Variants in ZNF226 observed in about 807,000 individuals in gnomAD.
ZNF226 encodes the protein Kruppel-associated box protein.
A neutral mutation model predicts 11.4 loss-of-function variants in ZNF226; 6 were observed. The observed-to-expected ratio is 0.53, with a 90% CI of 0.29 to 1.04. The LOEUF is 1.04. ZNF226 is among the 50% of genes least tolerant of loss of function. ZNF226 has a pLI of 0.08. For missense variants in ZNF226, 1,058 were observed against 956.5 expected (o/e 1.11, Z -1.40); for synonymous variants, 350 against 322.8 (o/e 1.08, Z -0.90).
intron 2 of ZNF226, chr19:44,166,895 C>G (rs2122233650): frequency 6.6e-6 from 1 of 152,286 alleles, no homozygotes; most frequent in African/African-American, 2.4e-5. Context: ...GAGCGAGATG[C>G]ATGTTAAAGT....
In ZNF226 at chr19:44,176,611, A is replaced by G. The variant is rs1970704640; in HGVS notation, c.1349A>G (p.Glu450Gly). The change falls in exon 6 of 6, where the codon GAG (glutamate) becomes GGG (glycine). Residue 450 changes from glutamate (E) to glycine (G), a missense_variant. Physicochemically the swap from Glu to Gly is moderately conservative, Grantham distance 98. Coordinates refer to ENST00000337433, the MANE Select transcript of ZNF226 (RefSeq NM_001032373.2). ...ACAGGAGAAAAACCCTATAAATGTG[A>G]GGAATGTGGTAAAGGCTTTAGTCGG... The part of the protein sequence containing the change: ...VHTGEKPYKC[E>G]ECGKGFSRPS... 6.2e-7 allele frequency: 1 copy of G among 1,614,068 alleles called. No homozygotes were observed. The highest frequency in any genetic ancestry group is 1.3e-5 in the African/African-American group (1 of 75,032).
rs1334699139 is a variant in ZNF226, at chr19:44,176,828, A to C, written c.1566A>C (p.Leu522=). ...FRRNSHYQVH[L]VVHTGEKPYK... is the part of the protein sequence containing the mutation. ...GGAATTCCCATTATCAAGTTCATCT[A>C]GTGGTCCACACAGGAGAGAAACCCT... is the stretch of plus-strand genomic sequence containing the variant. Residue 522 remains leucine (L), a synonymous_variant, in exon 6 of 6, where the codon CTA becomes CTC. Coordinates refer to ENST00000337433, the MANE Select transcript of ZNF226 (RefSeq NM_001032373.2). 6.2e-7 allele frequency: 1 copy of C among 1,613,298 alleles called. No homozygotes were observed. Among genetic ancestry groups the C allele is most frequent in the South Asian group, 1.1e-5 (1 of 91,042 alleles).
intron 2 of ZNF226, among the ~76,000 whole-genome samples, chr19:44,167,546 C>T (rs550302353): frequency 6.6e-6 from 1 of 152,088 alleles, no homozygotes; most frequent in Non-Finnish European, 1.5e-5. Flanking sequence ...TCTCGAACTC[C>T]TGACCTCAGG....
At chr19:44,192,594 A>G in the ZNF226 span, among the ~76,000 whole-genome samples, 7 of 152,346 alleles carry the variant, frequency 4.6e-5, no homozygotes, top group East Asian at 1.9e-4. Context: ...ATCATGTGCA[A>G]TGAGATACAG....
chr19:44,197,998 T>C, the ZNF226 span, among the ~76,000 whole-genome samples: 3 of 152,238 alleles, frequency 2.0e-5, no homozygotes, highest in Non-Finnish European at 2.9e-5. Context: ...ATCATATTGA[T>C]ATTTACATAT....
downstream of ZNF226, among the ~76,000 whole-genome samples, chr19:44,180,923 ATCTTT>A (rs1465793755): frequency 1.2e-4 from 19 of 152,220 alleles, no homozygotes; most frequent in East Asian, 1.2e-3. Flanking sequence ...GGGAGCACCT[ATCTTT>A]TCTTTTCAGT....
At chr19:44,166,629 C>G (rs1327661080) in intron 2 of ZNF226, 1 of 152,048 alleles carries the variant, frequency 6.6e-6, no homozygotes, top group African/African-American at 2.4e-5. Flanking sequence ...TCCCCATGAC[C>G]TTAGGGTATA....
Position 44,176,364 on chromosome 19 carries a change from T to G in ZNF226, c.1102T>G (p.Cys368Gly). The G allele has an allele frequency of 1.2e-6, 2 of 1,614,052 alleles. No homozygotes were observed. Among genetic ancestry groups the G allele is most frequent in the Non-Finnish European group, 1.7e-6 (2 of 1,179,996 alleles). The stretch of plus-strand genomic sequence containing the variant: ...AGAGAAACCTTATAATTGTGAGGAG[T>G]GTGGGAGGGCCTTCAGTCAGGCCTC... ...TAEKPYNCEE[C>G]GRAFSQASHL... Residue 368 changes from cysteine (C) to glycine (G), a missense_variant, in exon 6 of 6, where the codon TGT becomes GGT. Coordinates refer to ENST00000337433, the MANE Select transcript of ZNF226 (RefSeq NM_001032373.2).
intron 3 of ZNF226, among the ~76,000 whole-genome samples, chr19:44,170,373 G>A (rs552628794): frequency 2.6e-5 from 4 of 152,108 alleles, no homozygotes; most frequent in Middle Eastern, 3.2e-3. Context: ...GAGGCAGGGG[G>A]TGGGATCACT....
Position 44,175,881 on chromosome 19 carries a change from G to A in ZNF226, c.619G>A (p.Gly207Ser), listed in dbSNP as rs760679907. ...ATGTAAGAAGGGTGTTGATCCCATC[G>A]GTTGGATTTCACATCATGATGGTCA... ...CQCKKGVDPI[G>S]WISHHDGHRV... The change falls in exon 6 of 6, where the codon GGT (glycine) becomes AGT (serine). Residue 207 changes from glycine (G) to serine (S), a missense_variant. By Grantham distance (56) the Gly-to-Ser change is moderately conservative. Transcript: ENST00000337433. 5.0e-6 allele frequency: 8 copies of A among 1,612,982 alleles called. No individual in the cohort carries two copies. The highest frequency in any genetic ancestry group is 1.7e-4 in the Middle Eastern group (1 of 6,052).
Position 44,176,445 on chromosome 19 carries a change from G to C in ZNF226, c.1183G>C (p.Ala395Pro). ...TGGGGAGAAGCCATTCAAATGTGAT[G>C]CATGTGGTAAGAGCTTCAGTCGGAA... Reference protein sequence around the residue: ...HTGEKPFKCDACGKSFSRNSH... With the variant: ...HTGEKPFKCDPCGKSFSRNSH... The change falls in exon 6 of 6, where the codon GCA becomes CCA. Residue 395 changes from alanine (A) to proline (P), a missense_variant. Coordinates refer to ENST00000337433, the MANE Select transcript of ZNF226 (RefSeq NM_001032373.2). The C allele has an allele frequency of 6.2e-7, 1 of 1,614,094 alleles. No homozygotes were observed. The highest frequency in any genetic ancestry group is 8.5e-7 in the Non-Finnish European group (1 of 1,180,000).
At chr19:44,184,869 A>G in the ZNF226 span, among the ~76,000 whole-genome samples, 7 of 152,230 alleles carry the variant, frequency 4.6e-5, no homozygotes, top group Admixed American at 2.0e-4. Context: ...CAACAGATCT[A>G]TAGAACTTTT....
the ZNF226 span, among the ~76,000 whole-genome samples, chr19:44,194,830 C>T: frequency 2.0e-3 from 305 of 152,182 alleles, no homozygotes; most frequent in African/African-American, 6.6e-3. Flanking sequence ...AAATTTTAGT[C>T]ATGATACATT....
rs1480107544 is a variant in ZNF226 at position 44,177,258 on chromosome 19, A to G, written c.1996A>G (p.Thr666Ala). Reference protein sequence around the residue: ...AHLQAHQKVHTGDKPYKCDEC... With the variant: ...AHLQAHQKVHAGDKPYKCDEC... ...TCTTCAAGCCCATCAAAAAGTCCAC[A>G]CTGGAGATAAGCCATACAAATGTGA... Residue 666 changes from threonine to alanine, a missense_variant, in exon 6 of 6, where the codon ACT (threonine) becomes GCT (alanine). Transcript: ENST00000337433. The G allele has an allele frequency of 3.1e-6, 5 of 1,614,102 alleles. No individual in the cohort carries two copies. The highest frequency in any genetic ancestry group is 2.2e-5 in the South Asian group (2 of 91,080).
intron 5 of ZNF226, 115 bp downstream of exon 5, chr19:44,173,067 C>A: frequency 1.0e-6 from 1 of 956,696 alleles, no homozygotes; most frequent in Non-Finnish European, 1.6e-6. Context: ...TGGATTATTG[C>A]AACACCCTTT....
the ZNF226 span, among the ~76,000 whole-genome samples, chr19:44,184,133 C>T: frequency 6.6e-6 from 1 of 152,168 alleles, no homozygotes; most frequent in Non-Finnish European, 1.5e-5. Flanking sequence ...ATATTTACTG[C>T]CCGGCTCTTT....
rs756940221 is a variant in ZNF226, at chr19:44,175,995, A to AT, written c.735dup (p.His246SerfsTer10). 34 of 1,613,958 alleles carry AT rather than the reference A, an allele frequency of 2.1e-5. No individual in the cohort carries two copies. In the East Asian group the frequency reaches 7.6e-4, roughly 36 times the overall value. On this transcript the variant is annotated frameshift_variant, in exon 6 of 6. Transcript: ENST00000337433. LOFTEE classifies it low-confidence loss of function (END_TRUNC). Reference sequence around the variant, plus strand: ...TTTGACATTTGATCACAATAGCATGATTCACACAGGACAGAAATCGTACCA... The same window carrying AT: ...TTTGACATTTGATCACAATAGCATGATTTCACACAGGACAGAAATCGTACCA...
At position 44,176,608 on chromosome 19, in the gene ZNF226, G is replaced by T. The variant is rs1258403760; in HGVS notation, c.1346G>T (p.Cys449Phe). The change falls in exon 6 of 6, where the codon TGT (cysteine) becomes TTT (phenylalanine). Residue 449 changes from cysteine (C) to phenylalanine (F), a missense_variant. By Grantham distance (205) the Cys-to-Phe change is radical. Transcript: ENST00000337433. Reference protein sequence around the residue: ...RVHTGEKPYKCEECGKGFSRP... With the variant: ...RVHTGEKPYKFEECGKGFSRP... ...CACACAGGAGAAAAACCCTATAAAT[G>T]TGAGGAATGTGGTAAAGGCTTTAGT... 2 of 1,614,014 alleles carry T rather than the reference G, an allele frequency of 1.2e-6. No homozygotes were observed. The highest frequency in any genetic ancestry group is 1.3e-5 in the African/African-American group (1 of 74,924).
chr19:44,170,910 C>CAA (rs58130876), intron 3 of ZNF226, among the ~76,000 whole-genome samples: 19 of 85,840 alleles, frequency 2.2e-4, no homozygotes, highest in African/African-American at 5.4e-4. Flanking sequence ...GACTCTGTCT[C>CAA]AAAAAAAAAA....
Sources: allele counts gnomAD v4.1 joint callset (sites outside exome capture counted in the v4.1 genomes callset), GRCh38; gene constraint gnomAD v4.1.1; transcripts MANE v1.5; gene names NCBI Gene and HGNC (gene_info 2026-07-23, HGNC 2026-07-21).